The following PCDH15 variants were observed in gnomAD, a reference collection of about 807,000 sequenced individuals.
PCDH15 encodes protocadherin-15.
Under a neutral mutation model 178.5 loss-of-function variants are expected in PCDH15, and 129 were observed. The observed-to-expected ratio is 0.72, with a 90% confidence interval of 0.63 to 0.84. PCDH15 has a LOEUF of 0.84. Among genes scored for constraint, PCDH15 ranks in the 40% least tolerant of loss-of-function variants. The probability of loss-of-function intolerance (pLI) is 0.00; values close to 1 mark genes in which losing one functional copy is unlikely to be tolerated. For missense variants in PCDH15, 2,230 were observed against 2,099.9 expected (o/e 1.06, Z -1.21); for synonymous variants, 800 against 732.0 (o/e 1.09, Z -1.50).
intron 1 of PCDH15, among the ~76,000 whole-genome samples, chr10:54,741,917 T>C (rs1329222391): frequency 1.3e-5 from 2 of 152,056 alleles, no homozygotes; most frequent in Non-Finnish European, 2.9e-5. Context: ...TCAACTTTAA[T>C]TCCCACTTAC....
intron 1 of PCDH15, among the ~76,000 whole-genome samples, chr10:54,782,460 AT>A (rs1950463797): frequency 2.6e-5 from 4 of 152,132 alleles, no homozygotes; most frequent in Admixed American, 2.6e-4. Flanking sequence ...CTCCAATTTT[AT>A]GTGTCAAGTA....
intron 32 of PCDH15, chr10:53,821,875 G>A (rs1374223104): frequency 6.2e-7 from 1 of 1,613,018 alleles, no homozygotes; most frequent in Non-Finnish European, 8.5e-7. Flanking sequence ...GAAGTAGATT[G>A]ACTGTGAGAT....
chr10:55,477,266 T>C (rs907807243), intron 2 of PCDH15, among the ~76,000 whole-genome samples: 2 of 151,894 alleles, frequency 1.3e-5, no homozygotes, highest in Non-Finnish European at 2.9e-5. Flanking sequence ...AAGTTGAGTA[T>C]GGTATGGCTT....
intron 2 of PCDH15, among the ~76,000 whole-genome samples, chr10:55,561,457 A>T (rs1035109279): frequency 2.0e-5 from 3 of 151,956 alleles, no homozygotes; most frequent in Admixed American, 1.3e-4. Flanking sequence ...TGAACATGAT[A>T]GGACAATAAA....
chr10:54,520,424 A>G (rs2082723211), intron 3 of PCDH15, among the ~76,000 whole-genome samples: 3 of 152,356 alleles, frequency 2.0e-5, no homozygotes, highest in South Asian at 2.1e-4. Flanking sequence ...GACACTTCTC[A>G]AAAGAAGACA....
intron 2 of PCDH15, among the ~76,000 whole-genome samples, chr10:54,998,378 T>TA (rs1163848447): frequency 6.6e-6 from 1 of 152,022 alleles, no homozygotes; most frequent in Non-Finnish European, 1.5e-5. Flanking sequence ...TCCTGAAACT[T>TA]AAAGTATAAA....
rs1010079811 is a variant in PCDH15 at position 53,808,448 on chromosome 10, C to T, written c.4672-1318G>A. Reference sequence around the variant, plus strand: ...CCAGTAAATATTAAATATTGATTAGCTGATTGCATGTGTTCTGATTTACTA... The same window carrying T: ...CCAGTAAATATTAAATATTGATTAGTTGATTGCATGTGTTCTGATTTACTA... On this transcript the variant is annotated intron_variant, in intron 37 of 37. Coordinates refer to ENST00000644397, the MANE Select transcript of PCDH15 (RefSeq NM_001384140.1). The T allele has an allele frequency of 4.0e-6, 5 of 1,259,106 alleles. No individual in the cohort carries two copies. The African/African-American group carries it at 7.6e-5, about 19-fold the overall frequency. 78.0% of individuals were successfully genotyped at this position (1,259,106 alleles called of 1,614,324 possible). A position where few individuals can be genotyped will look rare whatever the true frequency, so the allele number is the denominator to read the frequency against.
At chr10:54,969,362 A>G (rs1838875551) in intron 2 of PCDH15, among the ~76,000 whole-genome samples, 2 of 152,170 alleles carry the variant, frequency 1.3e-5, no homozygotes. Flanking sequence ...CTCCGTCTGA[A>G]TACTCCAACC....
intron 2 of PCDH15, among the ~76,000 whole-genome samples, chr10:55,094,569 G>A (rs1842401430): frequency 6.6e-6 from 1 of 151,826 alleles, no homozygotes; most frequent in Non-Finnish European, 1.5e-5. Flanking sequence ...AAATTAGGTA[G>A]TATTGGCAAC....
chr10:53,880,200 C>T (rs1009235470), intron 26 of PCDH15, among the ~76,000 whole-genome samples: 34 of 152,074 alleles, frequency 2.2e-4, no homozygotes, highest in African/African-American at 8.0e-4. Context: ...ATGAAGACTT[C>T]ACAGTTCATA....
At chr10:54,085,024 A>G (rs1160439787) in intron 16 of PCDH15, among the ~76,000 whole-genome samples, 2 of 151,908 alleles carry the variant, frequency 1.3e-5, no homozygotes, top group Non-Finnish European at 2.9e-5. Context: ...GGAGCTAGGT[A>G]TTGACAGCAG....
chr10:54,048,212 T>C (rs1247835942), intron 18 of PCDH15, among the ~76,000 whole-genome samples: 1 of 152,144 alleles, frequency 6.6e-6, no homozygotes, highest in Non-Finnish European at 1.5e-5. Flanking sequence ...TCTTGAGAAG[T>C]GTCTGCTCAT....
chr10:54,436,016 GGAGAGGAGAGGAGAGGAGAGA>G (rs1328412155), intron 3 of PCDH15, among the ~76,000 whole-genome samples: 642 of 59,662 alleles, frequency 0.011, 25 homozygotes, highest in African/African-American at 0.055. Context: ...GGAGAGGAGA[GGAGAGGAGAGGAGAGGAGAGA>G]GAGAGAGAGA....
At chr10:54,434,246 G>GA (rs34973478) in intron 3 of PCDH15, among the ~76,000 whole-genome samples, 60,412 of 151,908 alleles carry the variant, frequency 0.4, 13,187 homozygotes, top group Middle Eastern at 0.51. Context: ...AATTACTGAA[G>GA]AAAAAATTAA....
chr10:54,829,383 G>A (rs1953184855), intron 3 of PCDH15, among the ~76,000 whole-genome samples: 1 of 151,896 alleles, frequency 6.6e-6, no homozygotes, highest in Admixed American at 6.6e-5. Context: ...AGGCCATACT[G>A]GTGGAAGTAA....
At chr10:55,493,962 C>T (rs531587271) in intron 2 of PCDH15, among the ~76,000 whole-genome samples, 1 of 151,908 alleles carries the variant, frequency 6.6e-6, no homozygotes, top group African/African-American at 2.4e-5. Context: ...TCATGATTTT[C>T]ATATTTGACA....
intron 10 of PCDH15, among the ~76,000 whole-genome samples, chr10:54,208,902 T>C (rs2051105198): frequency 6.6e-6 from 1 of 152,036 alleles, no homozygotes; most frequent in South Asian, 2.1e-4. Flanking sequence ...TTGTCCTAAC[T>C]CTGGGTCACT....
At chr10:54,217,097 A>T (rs903835914) in intron 9 of PCDH15, among the ~76,000 whole-genome samples, 1 of 152,194 alleles carries the variant, frequency 6.6e-6, no homozygotes, top group Non-Finnish European at 1.5e-5. Context: ...ATTGTTACTT[A>T]TGAGAAAGAG....
At chr10:53,815,151 G>A (rs1046232430) in intron 35 of PCDH15, among the ~76,000 whole-genome samples, 1 of 152,028 alleles carries the variant, frequency 6.6e-6, no homozygotes, top group African/African-American at 2.4e-5. Context: ...TGATTTTCTT[G>A]GGTAGATCAA....
Sources: gnomAD v4.1 joint callset for allele counts (sites outside exome capture counted in the v4.1 genomes callset) on GRCh38, gnomAD v4.1.1 for gene constraint, MANE v1.5 for transcripts, NCBI Gene and HGNC (gene_info 2026-07-23, HGNC 2026-07-21) for gene names.